PRKCA: variants seen among roughly 807,000 people sequenced by gnomAD.
PRKCA encodes protein kinase C alpha type.
PRKCA carries 27 observed loss-of-function variants against 87.0 expected under a neutral mutation model. That is an observed-to-expected ratio of 0.31 (90% confidence interval 0.23 to 0.43). The LOEUF (loss-of-function observed/expected upper bound fraction) is 0.43. Among genes scored for constraint, PRKCA ranks in the 20% least tolerant of loss-of-function variants. The probability of loss-of-function intolerance (pLI) is 1.00; values close to 1 mark genes in which losing one functional copy is unlikely to be tolerated. For synonymous variants in PRKCA, 329 were observed against 311.1 expected (o/e 1.06, Z -0.61); for missense variants, 518 against 852.3 (o/e 0.61, Z 4.88).
At chr17:66,408,725 G>A (rs1459132397) in intron 2 of PRKCA, among the ~76,000 whole-genome samples, 2 of 152,138 alleles carry the variant, frequency 1.3e-5, no homozygotes, top group South Asian at 2.1e-4. Context: ...CATTAGTTGA[G>A]TTGATGTGTG....
At chr17:66,711,512 G>A (rs1174995389) in intron 8 of PRKCA, among the ~76,000 whole-genome samples, 1 of 152,104 alleles carries the variant, frequency 6.6e-6, no homozygotes, top group Admixed American at 6.6e-5. Flanking sequence ...GCATGTAAAT[G>A]GTTTTAAAAA....
chr17:66,559,166 C>T (rs1260844307), intron 3 of PRKCA, among the ~76,000 whole-genome samples: 1 of 151,966 alleles, frequency 6.6e-6, no homozygotes, highest in Non-Finnish European at 1.5e-5. Flanking sequence ...CAGGGACAGA[C>T]CTTAAAAGCC....
At chr17:66,413,910 A>T (rs1246509146) in intron 2 of PRKCA, among the ~76,000 whole-genome samples, 1 of 151,554 alleles carries the variant, frequency 6.6e-6, no homozygotes, top group African/African-American at 2.4e-5. Flanking sequence ...GCTACTGGGG[A>T]GGCTGAGGCA....
chr17:66,423,776 A>T (rs1055969185), intron 2 of PRKCA, among the ~76,000 whole-genome samples: 1 of 151,764 alleles, frequency 6.6e-6, no homozygotes, highest in South Asian at 2.1e-4. Context: ...TGCATGGATA[A>T]CTCTAATTAG....
At chr17:66,802,504 G>C (rs746157465) in intron 16 of PRKCA, among the ~76,000 whole-genome samples, 1 of 150,742 alleles carries the variant, frequency 6.6e-6, no homozygotes, top group South Asian at 2.1e-4. Flanking sequence ...TAGTCTGGGC[G>C]ACAGAGCAAG....
chr17:66,778,385 G>A (rs554561692), intron 14 of PRKCA: 7 of 272,494 alleles, frequency 2.6e-5, no homozygotes, highest in South Asian at 1.4e-4. Flanking sequence ...GTGTGGTGGC[G>A]GGCGCCTGTA....
intron 2 of PRKCA, among the ~76,000 whole-genome samples, chr17:66,340,378 T>TC (rs560155340): frequency 1.5e-5 from 2 of 132,410 alleles, no homozygotes; most frequent in Non-Finnish European, 3.1e-5. Flanking sequence ...TTTTTTTTTT[T>TC]TCTTTTTTTT....
chr17:66,727,351 C>T (rs1211020919), intron 8 of PRKCA, among the ~76,000 whole-genome samples: 1 of 152,118 alleles, frequency 6.6e-6, no homozygotes, highest in East Asian at 1.9e-4. Context: ...TGAAGATTCC[C>T]AGAAAAAGGT....
intron 2 of PRKCA, among the ~76,000 whole-genome samples, chr17:66,350,141 A>G (rs1191604940): frequency 6.6e-6 from 1 of 152,138 alleles, no homozygotes; most frequent in Non-Finnish European, 1.5e-5. Flanking sequence ...GTTACAAATG[A>G]GGGGATAAAT....
At chr17:66,700,694 A>T (rs1973038201) in intron 8 of PRKCA, among the ~76,000 whole-genome samples, 1 of 152,226 alleles carries the variant, frequency 6.6e-6, no homozygotes, top group Non-Finnish European at 1.5e-5. Flanking sequence ...AATTGTGTTT[A>T]CAGTAGCATC....
intron 2 of PRKCA, among the ~76,000 whole-genome samples, chr17:66,346,421 A>AT (rs936390904): frequency 1.4e-4 from 21 of 151,726 alleles, no homozygotes; most frequent in Admixed American, 3.9e-4. Flanking sequence ...AAATTAAAAA[A>AT]AAAAAATTAG....
chr17:66,368,336 A>G (rs1178277524), intron 2 of PRKCA, among the ~76,000 whole-genome samples: 1 of 22,660 alleles, frequency 4.4e-5, no homozygotes, highest in African/African-American at 1.1e-4. Context: ...GTGTGTGTAT[A>G]TATGTGTGTG....
intron 16 of PRKCA, among the ~76,000 whole-genome samples, chr17:66,795,924 T>C (rs1393509179): frequency 2.0e-5 from 3 of 152,208 alleles, no homozygotes; most frequent in Admixed American, 2.0e-4. Context: ...ATGTGTGGCT[T>C]ATGGCCTCTG....
At chr17:66,519,664 ACTTT>A (rs1256206108) in intron 3 of PRKCA, among the ~76,000 whole-genome samples, 2 of 152,190 alleles carry the variant, frequency 1.3e-5, no homozygotes, top group African/African-American at 4.8e-5. Context: ...TCCAGCCCAC[ACTTT>A]CTTTAACATT....
At chr17:66,742,566 A>C in intron 12 of PRKCA, 56 bp from the exon 13 acceptor site, 1 of 1,589,858 alleles carries the variant, frequency 6.3e-7, no homozygotes, top group South Asian at 1.1e-5. Flanking sequence ...ACCAGTTCCA[A>C]AGCAAACCAT....
intron 2 of PRKCA, among the ~76,000 whole-genome samples, chr17:66,473,564 G>A (rs1161631204): frequency 2.0e-5 from 3 of 152,114 alleles, no homozygotes; most frequent in South Asian, 2.1e-4. Flanking sequence ...TAGAGAAAAT[G>A]AGAGCATCAT....
intron 3 of PRKCA, among the ~76,000 whole-genome samples, chr17:66,578,855 C>T (rs1355252166): frequency 6.6e-6 from 1 of 152,236 alleles, no homozygotes; most frequent in Non-Finnish European, 1.5e-5. Flanking sequence ...CACTGTGGAT[C>T]ACGTCCCCAT....
intron 3 of PRKCA, among the ~76,000 whole-genome samples, chr17:66,620,611 G>A (rs140949720): frequency 9.2e-5 from 14 of 152,306 alleles, no homozygotes; most frequent in Non-Finnish European, 1.8e-4. Context: ...ATGGCTTTTG[G>A]TCAGAGGCCT....
At chr17:66,309,374 T>G (rs1290708743) in intron 2 of PRKCA, among the ~76,000 whole-genome samples, 1 of 152,206 alleles carries the variant, frequency 6.6e-6, no homozygotes, top group Non-Finnish European at 1.5e-5. Context: ...ATGTTGTATC[T>G]TGGGGAAGGG....
Sources: allele counts gnomAD v4.1 joint callset (sites outside exome capture counted in the v4.1 genomes callset), GRCh38; gene constraint gnomAD v4.1.1; transcripts MANE v1.5; gene names NCBI Gene and HGNC (gene_info 2026-07-23, HGNC 2026-07-21).